The following PDZRN4 variants were observed in gnomAD, a reference collection of about 807,000 sequenced individuals.
The protein encoded by PDZRN4 is PDZ domain-containing RING finger protein 4.
A neutral mutation model predicts 99.0 loss-of-function variants in PDZRN4; 70 were observed. The ratio of observed to expected loss-of-function variants is 0.71; its 90% CI spans 0.58 to 0.86. PDZRN4 has a LOEUF of 0.86. Ranked by LOEUF, PDZRN4 falls within the 40% of genes least tolerant of loss-of-function variation. The pLI, the probability that PDZRN4 is intolerant of heterozygous loss-of-function variation, is 0.00. For missense variants in PDZRN4, 1,474 were observed against 1,331.2 expected (o/e 1.11, Z -1.67); for synonymous variants, 551 against 501.6 (o/e 1.10, Z -1.32).
intron 3 of PDZRN4, among the ~76,000 whole-genome samples, chr12:41,195,626 A>G (rs1027796196): frequency 6.6e-6 from 1 of 152,186 alleles, no homozygotes; most frequent in African/African-American, 2.4e-5. Flanking sequence ...TTTGATTTAT[A>G]TCTAAAGAGG....
intron 3 of PDZRN4, among the ~76,000 whole-genome samples, chr12:41,302,564 A>C (rs537140422): frequency 7.3e-4 from 111 of 152,242 alleles, no homozygotes; most frequent in Non-Finnish European, 1.4e-3. Context: ...TAGACACTTA[A>C]ATTGTTCTCT....
chr12:41,545,509 ATGTGTGTGTGTGTGTGTGTGTGTGTG>A (rs61040270), intron 5 of PDZRN4, among the ~76,000 whole-genome samples: 1 of 142,994 alleles, frequency 7.0e-6, no homozygotes, highest in Non-Finnish European at 1.5e-5. Context: ...GATGATATTA[ATGTGTGTGTGTGTGTGTGTGTGTGTG>A]TGTGTGTGTG....
chr12:41,561,566 AT>A (rs5797742), intron 7 of PDZRN4, among the ~76,000 whole-genome samples: 13,740 of 147,144 alleles, frequency 0.093, 1,600 homozygotes, highest in African/African-American at 0.25. Context: ...GGAAATATAT[AT>A]TTTTTATATA....
At chr12:41,446,188 A>G (rs1952726630) in intron 3 of PDZRN4, among the ~76,000 whole-genome samples, 1 of 152,024 alleles carries the variant, frequency 6.6e-6, no homozygotes, top group African/African-American at 2.4e-5. Flanking sequence ...GGTCCTCTGA[A>G]GCTTTGCTTT....
chr12:41,554,936 C>T (rs192388208), intron 6 of PDZRN4, among the ~76,000 whole-genome samples: 96 of 151,124 alleles, frequency 6.4e-4, no homozygotes, highest in Middle Eastern at 3.4e-3. Context: ...GGGCCGGACG[C>T]GGTGGCTCAC....
At chr12:41,478,008 AAT>A in intron 3 of PDZRN4, 2 of 826,104 alleles carry the variant, frequency 2.4e-6, no homozygotes, top group East Asian at 5.3e-5. Context: ...TAAGAGGACA[AAT>A]GTGGCTGCTT....
chr12:41,295,303 T>C (rs1951484545), intron 3 of PDZRN4, among the ~76,000 whole-genome samples: 2 of 152,164 alleles, frequency 1.3e-5, no homozygotes, highest in Non-Finnish European at 2.9e-5. Context: ...TGAGGTCAAT[T>C]ACAAAGAGTT....
chr12:41,353,918 CA>C (rs1480270297), intron 3 of PDZRN4, among the ~76,000 whole-genome samples: 1 of 152,034 alleles, frequency 6.6e-6, no homozygotes, highest in East Asian at 1.9e-4. Flanking sequence ...CTTCAATTTA[CA>C]GGAATTATCC....
chr12:41,316,455 A>AGT (rs1951638490), intron 3 of PDZRN4, among the ~76,000 whole-genome samples: 1 of 115,952 alleles, frequency 8.6e-6, no homozygotes, highest in African/African-American at 3.5e-5. Flanking sequence ...GAAAAAGGCA[A>AGT]ATGTGTGTGT....
intron 3 of PDZRN4, among the ~76,000 whole-genome samples, chr12:41,288,400 A>T (rs1782519314): frequency 1.3e-5 from 2 of 152,086 alleles, no homozygotes; most frequent in African/African-American, 4.8e-5. Context: ...GTTTTGAGTG[A>T]GTGATATGGT....
At chr12:41,252,865 T>C (rs1230982614) in intron 3 of PDZRN4, among the ~76,000 whole-genome samples, 1 of 152,212 alleles carries the variant, frequency 6.6e-6, no homozygotes, top group African/African-American at 2.4e-5. Flanking sequence ...GAAAATGTTT[T>C]AGATCTTGAA....
chr12:41,473,776 C>G (rs1953015765), intron 3 of PDZRN4, among the ~76,000 whole-genome samples: 1 of 152,308 alleles, frequency 6.6e-6, no homozygotes, highest in African/African-American at 2.4e-5. Flanking sequence ...GGAGCTGTCC[C>G]CAGTGCCCCT....
chr12:41,275,317 A>G (rs1951343588), intron 3 of PDZRN4, among the ~76,000 whole-genome samples: 1 of 152,154 alleles, frequency 6.6e-6, no homozygotes, highest in Non-Finnish European at 1.5e-5. Flanking sequence ...ATTTTTCTTC[A>G]TAATGCTTAC....
intron 3 of PDZRN4, among the ~76,000 whole-genome samples, chr12:41,221,312 G>A (rs1591973570): frequency 2.0e-5 from 3 of 152,242 alleles, no homozygotes; most frequent in South Asian, 2.1e-4. Context: ...AAATTAGTAC[G>A]GTGAAGTGGG....
At chr12:41,213,739 A>G (rs1327055656) in intron 3 of PDZRN4, among the ~76,000 whole-genome samples, 1 of 152,062 alleles carries the variant, frequency 6.6e-6, no homozygotes, top group African/African-American at 2.4e-5. Flanking sequence ...TGTTTTGATT[A>G]ACCTGTAACA....
intron 3 of PDZRN4, among the ~76,000 whole-genome samples, chr12:41,429,921 T>C (rs1592056495): frequency 6.6e-6 from 1 of 152,116 alleles, no homozygotes; most frequent in Admixed American, 6.5e-5. Flanking sequence ...ATAGTGATAG[T>C]AGCATTCAGT....
intron 3 of PDZRN4, among the ~76,000 whole-genome samples, chr12:41,464,546 T>G (rs1182291080): frequency 1.3e-5 from 2 of 152,218 alleles, no homozygotes; most frequent in Admixed American, 6.5e-5. Flanking sequence ...ATTTTTTTCT[T>G]ATTCTTTTTG....
At chr12:41,266,310 C>CAAAAAAAAAAAAAAAAAAAAAAAAAA (rs777855203) in intron 3 of PDZRN4, among the ~76,000 whole-genome samples, 2 of 11,686 alleles carry the variant, frequency 1.7e-4, no homozygotes, top group African/African-American at 9.8e-4. Flanking sequence ...GACTCCGTCT[C>CAAAAAAAAAAAAAAAAAAAAAAAAAA]AAAAAAAAAA....
chr12:41,216,275 G>A (rs539244730), intron 3 of PDZRN4, among the ~76,000 whole-genome samples: 15 of 152,068 alleles, frequency 9.9e-5, no homozygotes, highest in African/African-American at 3.1e-4. Flanking sequence ...GAGGAAATAA[G>A]AAATGCAAGC....
Sources: allele counts gnomAD v4.1 joint callset (sites outside exome capture counted in the v4.1 genomes callset), GRCh38; gene constraint gnomAD v4.1.1; transcripts MANE v1.5; gene names NCBI Gene and HGNC (gene_info 2026-07-23, HGNC 2026-07-21).